KCNB2: variants seen among roughly 807,000 people sequenced by gnomAD.
KCNB2 encodes potassium voltage-gated channel subfamily B member 2, also known as delayed rectifier potassium channel protein.
A neutral mutation model predicts 61.5 loss-of-function variants in KCNB2; 15 were observed. The ratio of observed to expected loss-of-function variants is 0.24; its 90% CI spans 0.16 to 0.38. KCNB2 has a LOEUF of 0.38. Among genes scored for constraint, KCNB2 ranks in the 10% least tolerant of loss-of-function variants. The pLI is 1.00. For synonymous variants in KCNB2, 457 were observed against 446.0 expected, an observed-to-expected ratio of 1.02 and a Z score of -0.31; for missense variants, 828 against 1,125.2, an observed-to-expected ratio of 0.74 and a Z score of 3.78.
intron 2 of KCNB2, among the ~76,000 whole-genome samples, chr8:72,582,089 C>T (rs1316051038): frequency 6.6e-6 from 1 of 152,180 alleles, no homozygotes; most frequent in Non-Finnish European, 1.5e-5. Context: ...TCGTCTGAGT[C>T]TAATGAGACA....
intron 2 of KCNB2, among the ~76,000 whole-genome samples, chr8:72,672,979 T>C (rs1806590114): frequency 6.6e-6 from 1 of 152,196 alleles, no homozygotes; most frequent in East Asian, 1.9e-4. Context: ...TGTGGAAAAT[T>C]ATATGATGGT....
intron 2 of KCNB2, among the ~76,000 whole-genome samples, chr8:72,662,074 T>TGCTTAAAGTAAAAGCAG (rs1391875435): frequency 3.9e-5 from 6 of 152,200 alleles, no homozygotes; most frequent in Non-Finnish European, 5.9e-5. Context: ...ATCCAGTTCT[T>TGCTTAAAGTAAAAGCAG]CATCCTGCTT....
intron 2 of KCNB2, among the ~76,000 whole-genome samples, chr8:72,848,585 T>C (rs1043696237): frequency 3.3e-5 from 5 of 152,204 alleles, no homozygotes; most frequent in African/African-American, 1.2e-4. Context: ...TGTCTTGTAT[T>C]AATGACAGTT....
intron 2 of KCNB2, among the ~76,000 whole-genome samples, chr8:72,763,864 GT>G (rs2128996646): frequency 6.6e-6 from 1 of 152,302 alleles, no homozygotes; most frequent in Non-Finnish European, 1.5e-5. Context: ...GAAACAGAAG[GT>G]TTCCCAGAGG....
In KCNB2 at chr8:72,537,508, C is replaced by G. The variant is rs980023253; in HGVS notation, c.-471C>G. Reference sequence around the variant, plus strand: ...CCCGCTCGATTTTTCCTCTTCTGTTCCAGCCCTCTCTTGTCTGGGTGGCTG... The same window carrying G: ...CCCGCTCGATTTTTCCTCTTCTGTTGCAGCCCTCTCTTGTCTGGGTGGCTG... On this transcript the variant is annotated 5_prime_UTR_variant, in exon 1 of 3. Transcript: ENST00000523207. The G allele has an allele frequency of 2.6e-5, 4 of 152,608 alleles. No individual in the cohort carries two copies. Among genetic ancestry groups the G allele is most frequent in the African/African-American group, 7.2e-5 (3 of 41,582 alleles). 9.5% of individuals were successfully genotyped at this position (152,608 alleles called of 1,614,324 possible). A position where few individuals can be genotyped will look rare whatever the true frequency, so the allele number is the denominator to read the frequency against.
At chr8:72,921,002 C>CGA (rs1181594658) in intron 2 of KCNB2, among the ~76,000 whole-genome samples, 1 of 151,994 alleles carries the variant, frequency 6.6e-6, no homozygotes, top group Non-Finnish European at 1.5e-5. Flanking sequence ...GTCAAAAGAG[C>CGA]GAGAGTTCTG....
intron 2 of KCNB2, among the ~76,000 whole-genome samples, chr8:72,624,860 C>T (rs1334922076): frequency 6.6e-6 from 1 of 152,220 alleles, no homozygotes; most frequent in Admixed American, 6.5e-5. Context: ...TTGAAGATGC[C>T]AGCTGCCATG....
At chr8:72,798,919 A>C (rs2128999325) in intron 2 of KCNB2, among the ~76,000 whole-genome samples, 1 of 152,304 alleles carries the variant, frequency 6.6e-6, no homozygotes, top group South Asian at 2.1e-4. Context: ...ATCTCTCGCT[A>C]TCTTTTTTCT....
At chr8:72,687,271 G>A (rs946516601) in intron 2 of KCNB2, among the ~76,000 whole-genome samples, 1 of 152,172 alleles carries the variant, frequency 6.6e-6, no homozygotes, top group Non-Finnish European at 1.5e-5. Context: ...GACTTGGTGA[G>A]CATTTTTTGG....
chr8:72,726,545 A>G (rs2128993159), intron 2 of KCNB2, among the ~76,000 whole-genome samples: 2 of 152,352 alleles, frequency 1.3e-5, no homozygotes, highest in South Asian at 4.1e-4. Flanking sequence ...ATAAGACAGT[A>G]TTAACTATGG....
intron 2 of KCNB2, among the ~76,000 whole-genome samples, chr8:72,818,267 A>G (rs1445789483): frequency 6.6e-6 from 1 of 152,196 alleles, no homozygotes; most frequent in Admixed American, 6.5e-5. Context: ...ATGTCAAGAT[A>G]TTATTTTCTG....
At chr8:72,858,871 G>C (rs1386698915) in intron 2 of KCNB2, among the ~76,000 whole-genome samples, 2 of 152,092 alleles carry the variant, frequency 1.3e-5, no homozygotes, top group African/African-American at 4.8e-5. Context: ...AACTTTCTCT[G>C]AATAAGTGTA....
intron 2 of KCNB2, among the ~76,000 whole-genome samples, chr8:72,621,260 C>T (rs1204605691): frequency 6.6e-6 from 1 of 152,136 alleles, no homozygotes; most frequent in Non-Finnish European, 1.5e-5. Flanking sequence ...CCCATACATA[C>T]CAAGAAGCTT....
intron 2 of KCNB2, among the ~76,000 whole-genome samples, chr8:72,759,042 T>G (rs978731840): frequency 6.6e-6 from 1 of 152,172 alleles, no homozygotes; most frequent in Non-Finnish European, 1.5e-5. Flanking sequence ...TTCCTGTGTT[T>G]AATGAACTTA....
At chr8:72,622,929 C>T (rs1272091078) in intron 2 of KCNB2, among the ~76,000 whole-genome samples, 1 of 152,096 alleles carries the variant, frequency 6.6e-6, no homozygotes, top group Non-Finnish European at 1.5e-5. Flanking sequence ...TAGAACTTGC[C>T]ATGTGGTTTT....
intron 2 of KCNB2, among the ~76,000 whole-genome samples, chr8:72,597,491 A>T (rs1056726048): frequency 2.6e-5 from 4 of 152,228 alleles, no homozygotes; most frequent in African/African-American, 7.2e-5. Context: ...AGTTTCATGA[A>T]CATTTTTTAA....
chr8:72,803,494 G>C (rs527682559), intron 2 of KCNB2, among the ~76,000 whole-genome samples: 3 of 152,076 alleles, frequency 2.0e-5, no homozygotes, highest in Non-Finnish European at 4.4e-5. Flanking sequence ...TCTATACACT[G>C]GACACAATAG....
intron 1 of KCNB2, among the ~76,000 whole-genome samples, chr8:72,545,623 A>G (rs1024247522): frequency 4.6e-5 from 7 of 152,082 alleles, no homozygotes; most frequent in African/African-American, 1.4e-4. Context: ...AGACACAACA[A>G]TATTGAAAAT....
rs557129070 is a variant in KCNB2 at position 72,937,589 on chromosome 8, C to T, written c.2234C>T (p.Ser745Leu). The T allele has an allele frequency of 9.9e-6, 16 of 1,613,982 alleles. No individual in the cohort carries two copies. The highest frequency in any genetic ancestry group is 4.5e-5 in the East Asian group (2 of 44,850). The change falls in exon 3 of 3, where the codon TCG becomes TTG. Residue 745 changes from serine (S) to leucine (L), a missense_variant. Physicochemically the swap from Ser to Leu is moderately radical, Grantham distance 145. Transcript: ENST00000523207. ...CTGCCAGTCACCACAGCTGACTTTT[C>T]GCTCACTACCCCGCAGCACATCAGT... ...RPLPVTTADF[S>L]LTTPQHISTI...
Sources: allele counts gnomAD v4.1 joint callset (sites outside exome capture counted in the v4.1 genomes callset), GRCh38; gene constraint gnomAD v4.1.1; transcripts MANE v1.5; gene names NCBI Gene and HGNC (gene_info 2026-07-23, HGNC 2026-07-21).